BET1: variants seen among roughly 807,000 people sequenced by gnomAD.
The protein encoded by BET1 is BET1 homolog.
A neutral mutation model predicts 13.9 loss-of-function variants in BET1; 9 were observed. That is an observed-to-expected ratio of 0.65 (90% confidence interval 0.39 to 1.13). BET1 has a LOEUF of 1.13. Among genes scored for constraint, BET1 ranks in the 50% most tolerant of loss-of-function variants. BET1 has a pLI of 0.01. For synonymous variants in BET1, 39 were observed against 47.3 expected, an observed-to-expected ratio of 0.82 and a Z score of 0.72; for missense variants, 127 against 133.6, an observed-to-expected ratio of 0.95 and a Z score of 0.24.
chr7:93,987,169 C>T (rs1353082017), intron 4 of BET1: 1 of 151,798 alleles, frequency 6.6e-6, no homozygotes, highest in Non-Finnish European at 1.5e-5. Flanking sequence ...CCTAACTCAC[C>T]GGATCGACTT....
chr7:93,996,584 A>T (rs1314309817), intron 2 of BET1, among the ~76,000 whole-genome samples: 2 of 151,720 alleles, frequency 1.3e-5, no homozygotes, highest in Non-Finnish European at 2.9e-5. Flanking sequence ...TTAATTTGGT[A>T]TGTACTACTT....
At chr7:93,992,537 T>C (rs192234496), downstream of BET1, 7 of 985,392 alleles carry the variant, frequency 7.1e-6, no homozygotes, top group African/African-American at 7.0e-5. Context: ...TGGTGTCACA[T>C]ACTTGACACA....
chr7:93,997,868 CATACA>C (rs1214382525), intron 2 of BET1, among the ~76,000 whole-genome samples: 19 of 152,184 alleles, frequency 1.2e-4, no homozygotes, highest in Non-Finnish European at 1.5e-5. Context: ...ATTCCTTTTA[CATACA>C]AATAATGCCA....
intron 4 of BET1, among the ~76,000 whole-genome samples, chr7:93,977,086 C>T (rs924035736): frequency 6.6e-6 from 1 of 152,050 alleles, no homozygotes; most frequent in Non-Finnish European, 1.5e-5. Flanking sequence ...ATACTCCAAC[C>T]TGAGCTCTTG....
chr7:93,998,170 A>G (rs1795812751), intron 2 of BET1, among the ~76,000 whole-genome samples: 2 of 152,214 alleles, frequency 1.3e-5, no homozygotes, highest in South Asian at 2.1e-4. Flanking sequence ...AGTGTGAGAG[A>G]TAAGATCTCA....
chr7:93,980,923 A>G lies in BET1; in HGVS notation c.236-4823T>C, dbSNP rs73715578. Reference sequence around the variant, plus strand: ...AAAGGCAAAGAAGTTTTTATTGCAAAGCGAAAGTACACAAGAGTTCAAGTG... The same window carrying G: ...AAAGGCAAAGAAGTTTTTATTGCAAGGCGAAAGTACACAAGAGTTCAAGTG... On this transcript the variant is annotated intron_variant and NMD_transcript_variant, in intron 4 of 6. Coordinates refer to the BET1 transcript ENST00000357520. Among the ~76,000 whole-genome samples the G allele has an allele frequency of 6.0e-3, 907 of 152,298 alleles. 9 individuals carry two copies. The highest frequency in any genetic ancestry group is 0.02 in the African/African-American group (822 of 41,578).
chr7:93,988,891 T>C (rs1464780423), downstream of BET1, among the ~76,000 whole-genome samples: 1 of 150,052 alleles, frequency 6.7e-6, no homozygotes, highest in Non-Finnish European at 1.5e-5. Flanking sequence ...TTCCTTGTGA[T>C]TAATTCTAAG....
downstream of BET1, among the ~76,000 whole-genome samples, chr7:93,991,281 A>C (rs1371090285): frequency 6.6e-6 from 1 of 152,212 alleles, no homozygotes; most frequent in Non-Finnish European, 1.5e-5. Flanking sequence ...CTAAGTGTCT[A>C]TTGCCTTTGA....
At chr7:94,004,083 G>A (rs999849759) in intron 1 of BET1, 115 bp downstream of exon 1, 62 of 1,466,722 alleles carry the variant, frequency 4.2e-5, no homozygotes, top group Non-Finnish European at 3.0e-5. Context: ...ATCCCCTCTA[G>A]ACATCCTGTT....
At position 93,993,409 on chromosome 7, in the gene BET1, T is replaced by A; in HGVS notation, c.*821A>T. The A allele has an allele frequency of 1.0e-6, 1 of 983,350 alleles. No homozygotes were observed. Among genetic ancestry groups the A allele is most frequent in the Non-Finnish European group, 1.2e-6 (1 of 827,556 alleles). The allele number at this position is 983,350 out of a possible 1,614,324, so 60.9% of individuals were successfully genotyped here. A position where few individuals can be genotyped will look rare whatever the true frequency, so the allele number is the denominator to read the frequency against. On this transcript the variant is annotated 3_prime_UTR_variant, in exon 4 of 4. Transcript: ENST00000222547. Reference sequence around the variant, plus strand: ...ATACACTGGATTAAAGCAATAATACTCTTATCTTCAAGTTCAATGCCTGAG... The same window carrying A: ...ATACACTGGATTAAAGCAATAATACACTTATCTTCAAGTTCAATGCCTGAG...
At position 93,994,413 on chromosome 7, in the gene BET1, T is replaced by C. The variant is rs1441503257; in HGVS notation, c.202-28A>G. 5.6e-6 allele frequency: 9 copies of C among 1,599,060 alleles called. 1 individual carries two copies. The Admixed American group carries it at 1.0e-4, about 18-fold the overall frequency. The stretch of plus-strand genomic sequence containing the variant: ...ATCAGAGATAAAGGCAAATAAAATA[T>C]CACAGTTAGATTCTAAGAGTCTACA... On this transcript the variant is annotated intron_variant, in intron 3 of 3. Coordinates refer to ENST00000222547, the MANE Select transcript of BET1 (RefSeq NM_005868.6).
intron 4 of BET1, among the ~76,000 whole-genome samples, chr7:93,977,659 C>T (rs1795362924): frequency 6.6e-6 from 1 of 152,188 alleles, no homozygotes; most frequent in Non-Finnish European, 1.5e-5. Flanking sequence ...GGGACCAACC[C>T]TCACAGGGGC....
intron 4 of BET1, among the ~76,000 whole-genome samples, chr7:93,985,824 A>C (rs539220879): frequency 2.6e-5 from 4 of 152,286 alleles, no homozygotes; most frequent in African/African-American, 9.6e-5. Context: ...ATTGTCCCAC[A>C]ATAAGACACA....
In BET1 at chr7:94,002,472, AAAG is replaced by A. The variant is rs201066906; in HGVS notation, c.19+1723_19+1725del. 3.2e-3 allele frequency among the ~76,000 whole-genome samples: 463 copies of A among 143,126 alleles called. 3 individuals are homozygous for A. Among genetic ancestry groups the A allele is most frequent in the African/African-American group, 0.013 (446 of 33,724 alleles). The allele number at this position is 143,126 out of a possible 152,430, so 93.9% of individuals were successfully genotyped here. A position where few individuals can be genotyped will look rare whatever the true frequency, so the allele number is the denominator to read the frequency against. On this transcript the variant is annotated intron_variant, in intron 1 of 3. Transcript: ENST00000222547. ...GAGCTTTTTTTTAAAAAAAAAAAAAAAAGAAAGAAAAAAAAAGGAAAAAAGGAG... is the reference window on the plus strand; with the variant it reads ...GAGCTTTTTTTTAAAAAAAAAAAAAAAAAGAAAAAAAAAGGAAAAAAGGAG...
At chr7:93,971,536 G>A (rs1795258652) in intron 6 of BET1, among the ~76,000 whole-genome samples, 1 of 151,696 alleles carries the variant, frequency 6.6e-6, no homozygotes. Context: ...TGCTTCTGCT[G>A]AATCTAAACA....
Position 93,993,352 on chromosome 7 carries a change from G to A in BET1, c.*878C>T, listed in dbSNP as rs1795680848. On this transcript the variant is annotated 3_prime_UTR_variant, in exon 4 of 4. Transcript: ENST00000222547. ...AATATTTAATATTTTTTACTCAACAGTCTGCCTTTGTGTTTTTCTTTCCAT... is the reference window on the plus strand; with the variant it reads ...AATATTTAATATTTTTTACTCAACAATCTGCCTTTGTGTTTTTCTTTCCAT... The A allele has an allele frequency of 1.1e-6, 1 of 952,236 alleles. No individual in the cohort carries two copies. The highest frequency in any genetic ancestry group is 4.9e-5 in the South Asian group (1 of 20,564). The allele number at this position is 952,236 out of a possible 1,614,324, so 59.0% of individuals were successfully genotyped here.
intron 4 of BET1, among the ~76,000 whole-genome samples, chr7:93,981,251 G>T (rs1795422742): frequency 6.6e-6 from 1 of 152,168 alleles, no homozygotes; most frequent in South Asian, 2.1e-4. Flanking sequence ...AGCACTGGAA[G>T]TCTCATGCCC....
downstream of BET1, chr7:93,992,760 T>C (rs548844953): frequency 1.6e-5 from 15 of 920,652 alleles, no homozygotes; most frequent in Non-Finnish European, 1.8e-5. Flanking sequence ...CAACATATTA[T>C]CTACTTCTCA....
chr7:93,996,105 A>G (rs1795764546), intron 3 of BET1, 160 bp downstream of exon 3: 8 of 590,074 alleles, frequency 1.4e-5, no homozygotes, highest in Non-Finnish European at 2.3e-5. Flanking sequence ...ATGCAAAAGC[A>G]TGGCAAAATA....
Sources: allele counts gnomAD v4.1 joint callset (sites outside exome capture counted in the v4.1 genomes callset), GRCh38; gene constraint gnomAD v4.1.1; transcripts MANE v1.5; gene names NCBI Gene and HGNC (gene_info 2026-07-23, HGNC 2026-07-21).